Variants in RASGRF2 observed in about 807,000 individuals in gnomAD.
RASGRF2 encodes ras-specific guanine nucleotide-releasing factor 2.
RASGRF2 carries 76 observed loss-of-function variants against 151.0 expected under a neutral mutation model. The ratio of observed to expected loss-of-function variants is 0.50; its 90% CI spans 0.42 to 0.61. The LOEUF (loss-of-function observed/expected upper bound fraction) is 0.61. Ranked by LOEUF, RASGRF2 falls within the 20% of genes least tolerant of loss-of-function variation. The pLI is 0.00. For missense variants in RASGRF2, 1,148 were observed against 1,564.6 expected, an observed-to-expected ratio of 0.73 and a Z score of 4.49; for synonymous variants, 504 against 566.5, an observed-to-expected ratio of 0.89 and a Z score of 1.57.
At chr5:81,159,161 G>A (rs1560038) in intron 17 of RASGRF2, among the ~76,000 whole-genome samples, 2,226 of 152,312 alleles carry the variant, frequency 0.015, 52 homozygotes, top group African/African-American at 0.049. Context: ...ATTGCAAAAT[G>A]TTCTGCAATA....
At chr5:81,094,762 C>T in intron 11 of RASGRF2, 94 bp from the exon 12 acceptor site, 1 of 1,361,782 alleles carries the variant, frequency 7.3e-7, no homozygotes, top group Non-Finnish European at 1.0e-6. Context: ...GATTTGAGTG[C>T]AAATGGATTG....
intron 1 of RASGRF2, among the ~76,000 whole-genome samples, chr5:81,014,393 A>C (rs1749563904): frequency 9.2e-5 from 14 of 152,220 alleles, no homozygotes; most frequent in Admixed American, 9.2e-4. Context: ...TCTTATGTGG[A>C]TGGTGGCAGG....
intron 17 of RASGRF2, among the ~76,000 whole-genome samples, chr5:81,169,450 G>A (rs941694784): frequency 1.3e-5 from 2 of 152,154 alleles, no homozygotes; most frequent in Non-Finnish European, 2.9e-5. Context: ...CCTAGCTTCT[G>A]GTGTTTGCTG....
At chr5:81,225,597 G>C (rs879130738) in intron 26 of RASGRF2, 81 bp from the exon 27 acceptor site, 1 of 1,481,678 alleles carries the variant, frequency 6.7e-7, no homozygotes, top group Admixed American at 2.5e-5. Context: ...AGAAAATGTT[G>C]AATTGTGTTA....
chr5:81,073,066 AGG>A, intron 4 of RASGRF2, 131 bp from the exon 5 acceptor site: 1 of 1,120,942 alleles, frequency 8.9e-7, no homozygotes, highest in Non-Finnish European at 1.3e-6. Context: ...CATCATCCCT[AGG>A]GAATCCTTAT....
At chr5:81,029,571 C>T (rs1047666244) in intron 1 of RASGRF2, among the ~76,000 whole-genome samples, 1 of 152,334 alleles carries the variant, frequency 6.6e-6, no homozygotes, top group African/African-American at 2.4e-5. Context: ...CTCCAACATA[C>T]CTGCAGCTGA....
intron 17 of RASGRF2, among the ~76,000 whole-genome samples, chr5:81,163,797 A>G (rs973867960): frequency 6.6e-6 from 1 of 152,176 alleles, no homozygotes; most frequent in African/African-American, 2.4e-5. Context: ...GCATTTACTC[A>G]TTCAAGAACC....
At chr5:81,140,433 CACAG>C (rs1305756277) in intron 17 of RASGRF2, among the ~76,000 whole-genome samples, 1 of 151,742 alleles carries the variant, frequency 6.6e-6, no homozygotes. Context: ...CACACACACA[CACAG>C]ACACACACAT....
At chr5:80,991,205 T>C (rs1277265176) in intron 1 of RASGRF2, among the ~76,000 whole-genome samples, 1 of 152,144 alleles carries the variant, frequency 6.6e-6, no homozygotes, top group East Asian at 1.9e-4. Flanking sequence ...CACTTTGTAA[T>C]GCCAGCAATT....
intron 18 of RASGRF2, among the ~76,000 whole-genome samples, chr5:81,198,381 T>A (rs988851546): frequency 1.3e-5 from 2 of 152,230 alleles, no homozygotes; most frequent in African/African-American, 4.8e-5. Context: ...GTTTTCTGTT[T>A]CTGCATTAGT....
At chr5:81,196,120 G>A (rs1392740218) in intron 18 of RASGRF2, among the ~76,000 whole-genome samples, 3 of 152,194 alleles carry the variant, frequency 2.0e-5, no homozygotes, top group Admixed American at 6.5e-5. Context: ...TTAGCTGGGC[G>A]TGGTGGTGTG....
intron 1 of RASGRF2, among the ~76,000 whole-genome samples, chr5:81,035,412 T>C (rs1750450392): frequency 6.6e-6 from 1 of 151,994 alleles, no homozygotes; most frequent in South Asian, 2.1e-4. Flanking sequence ...AATTGAACGA[T>C]GAGAACACTT....
intron 1 of RASGRF2, among the ~76,000 whole-genome samples, chr5:80,971,312 T>G (rs1747924027): frequency 6.6e-6 from 1 of 152,228 alleles, no homozygotes; most frequent in Non-Finnish European, 1.5e-5. Context: ...GAACTTCCTA[T>G]TCACAGACTC....
At chr5:81,164,942 C>T (rs1012594697) in intron 17 of RASGRF2, among the ~76,000 whole-genome samples, 1 of 152,134 alleles carries the variant, frequency 6.6e-6, no homozygotes, top group Non-Finnish European at 1.5e-5. Context: ...GAGCATTGAG[C>T]GGCCATTTTC....
chr5:81,137,988 G>A (rs544158194), intron 17 of RASGRF2, among the ~76,000 whole-genome samples: 40 of 152,316 alleles, frequency 2.6e-4, no homozygotes, highest in Middle Eastern at 3.4e-3. Flanking sequence ...AATTTGGGCC[G>A]TGCTTGATGT....
intron 7 of RASGRF2, among the ~76,000 whole-genome samples, chr5:81,083,946 T>G (rs1752156787): frequency 1.3e-5 from 2 of 152,200 alleles, no homozygotes; most frequent in African/African-American, 2.4e-5. Context: ...TTCTTGGTTT[T>G]GGGGGAAGAG....
At chr5:81,211,176 C>T (rs975781683) in intron 22 of RASGRF2, among the ~76,000 whole-genome samples, 2 of 150,236 alleles carry the variant, frequency 1.3e-5, no homozygotes, top group Non-Finnish European at 3.0e-5. Context: ...TCAGTGCAGG[C>T]GTGACCTCTT....
chr5:81,145,290 C>T lies in RASGRF2; in HGVS notation c.2686+18127C>T, dbSNP rs540608540. ...GGCCCACAGTCTAACCTGTCACCAC[C>T]CTAACCTCTGCCTTATACATATAAG... On this transcript the variant is annotated intron_variant, in intron 17 of 26. Coordinates refer to ENST00000265080, the MANE Select transcript of RASGRF2 (RefSeq NM_006909.3). Among the ~76,000 whole-genome samples, 260 of 151,390 alleles carry T rather than the reference C, an allele frequency of 1.7e-3. 1 individual carries two copies. The highest frequency in any genetic ancestry group is 6.1e-3 in the African/African-American group (251 of 41,208).
chr5:81,085,695 AGT>A, intron 7 of RASGRF2, 105 bp from the exon 8 acceptor site: 1 of 1,506,328 alleles, frequency 6.6e-7, no homozygotes, highest in East Asian at 2.3e-5. Flanking sequence ...AACAGTAAAA[AGT>A]GGGAGAGTAG....
Sources: allele counts gnomAD v4.1 joint callset (sites outside exome capture counted in the v4.1 genomes callset), GRCh38; gene constraint gnomAD v4.1.1; transcripts MANE v1.5; gene names NCBI Gene and HGNC (gene_info 2026-07-23, HGNC 2026-07-21).